DTD1: variants seen among roughly 807,000 people sequenced by gnomAD.
The protein encoded by DTD1 is D-tyrosyl-tRNA deacylase 1 homolog.
A neutral mutation model predicts 25.6 loss-of-function variants in DTD1; 13 were observed. The observed-to-expected ratio is 0.51, with a 90% CI of 0.33 to 0.81. The LOEUF is 0.81. DTD1 is among the 30% of genes least tolerant of loss of function. The pLI is 0.02. For missense variants in DTD1, 193 were observed against 266.4 expected, an observed-to-expected ratio of 0.72 and a Z score of 1.92; for synonymous variants, 110 against 103.6, an observed-to-expected ratio of 1.06 and a Z score of -0.37.
At chr20:18,614,897 G>A (rs776206634) in intron 3 of DTD1, among the ~76,000 whole-genome samples, 1 of 151,316 alleles carries the variant, frequency 6.6e-6, no homozygotes, top group South Asian at 2.1e-4. Flanking sequence ...CTTCTAAAAC[G>A]GCCGCAGTGT....
At chr20:18,739,319 A>G (rs959469326) in intron 4 of DTD1, among the ~76,000 whole-genome samples, 4 of 152,234 alleles carry the variant, frequency 2.6e-5, no homozygotes, top group African/African-American at 9.6e-5. Flanking sequence ...AGTGGATTTA[A>G]TCATGAATTG....
intron 4 of DTD1, among the ~76,000 whole-genome samples, chr20:18,686,045 G>T (rs142119757): frequency 6.6e-6 from 1 of 152,090 alleles, no homozygotes; most frequent in Non-Finnish European, 1.5e-5. Flanking sequence ...CACTTTTGTC[G>T]CCCTGGTTCT....
At chr20:18,615,105 A>G (rs1170702846) in intron 3 of DTD1, among the ~76,000 whole-genome samples, 2 of 152,030 alleles carry the variant, frequency 1.3e-5, no homozygotes, top group Admixed American at 1.3e-4. Context: ...CCTTCAGACC[A>G]GGCCTGGAAA....
Position 18,596,025 on chromosome 20 carries a change from C to G in DTD1, c.154C>G (p.Leu52Val), listed in dbSNP as rs939923604. ...LEHMVRKILN[L>V]RVFEDESGKH... ...CCTTAGGGTCCGAAAGATTCTAAAC[C>G]TGCGTGTATTTGAGGATGAGAGTGG... The change falls in exon 3 of 6, where the codon CTG becomes GTG. Residue 52 changes from leucine (L) to valine (V), a missense_variant. Coordinates refer to ENST00000377452, the MANE Select transcript of DTD1 (RefSeq NM_080820.6). 6.2e-7 allele frequency: 1 copy of G among 1,613,974 alleles called. No homozygotes were observed. The highest frequency in any genetic ancestry group is 8.5e-7 in the Non-Finnish European group (1 of 1,180,024).
intron 2 of DTD1, 63 bp downstream of exon 2, chr20:18,593,884 T>C: frequency 1.5e-6 from 2 of 1,334,724 alleles, no homozygotes; most frequent in East Asian, 4.7e-5. Flanking sequence ...TGCTGGGAAC[T>C]TCCATAGTAC....
At chr20:18,595,963 T>G (rs762035347) in intron 2 of DTD1, 43 bp from the exon 3 acceptor site, 1 of 1,565,004 alleles carries the variant, frequency 6.4e-7, no homozygotes, top group South Asian at 1.1e-5. Context: ...GTTGGGGGGC[T>G]TGTGATCTCT....
chr20:18,682,350 T>G (rs1235869562), intron 4 of DTD1, among the ~76,000 whole-genome samples: 2 of 152,254 alleles, frequency 1.3e-5, no homozygotes, highest in African/African-American at 4.8e-5. Context: ...TGCTGTAAAC[T>G]GTGTTCCTTG....
chr20:18,628,557 C>T (rs2060769227), intron 4 of DTD1, among the ~76,000 whole-genome samples: 2 of 152,212 alleles, frequency 1.3e-5, no homozygotes, highest in African/African-American at 4.8e-5. Flanking sequence ...GAGCAATGGC[C>T]CTGGATTGGC....
Position 18,750,306 on chromosome 20 carries a change from G to A in DTD1, c.*19+6035G>A, listed in dbSNP as rs193197053. ...AAATATTCAGATATCTATGAGAGCT[G>A]GATTAAATGGTGACAGACAGAAGGT... On this transcript the variant is annotated intron_variant, in intron 5 of 5. Coordinates refer to ENST00000377452, the MANE Select transcript of DTD1 (RefSeq NM_080820.6). Among the ~76,000 whole-genome samples the A allele has an allele frequency of 1.3e-3, 195 of 152,236 alleles. 1 individual carries two copies. Among genetic ancestry groups the A allele is most frequent in the African/African-American group, 4.6e-3 (191 of 41,536 alleles).
intron 4 of DTD1, among the ~76,000 whole-genome samples, chr20:18,654,054 C>T (rs750245601): frequency 1.3e-5 from 2 of 152,282 alleles, no homozygotes; most frequent in Middle Eastern, 3.4e-3. Flanking sequence ...GATTTCTTTC[C>T]AATTTATAAT....
At chr20:18,671,112 T>A (rs1382637822) in intron 4 of DTD1, among the ~76,000 whole-genome samples, 3 of 152,244 alleles carry the variant, frequency 2.0e-5, no homozygotes, top group Non-Finnish European at 1.5e-5. Context: ...TGTTGCTTAG[T>A]AGAATCAAGG....
intron 4 of DTD1, among the ~76,000 whole-genome samples, chr20:18,736,599 G>A (rs1344258726): frequency 6.6e-6 from 1 of 152,230 alleles, no homozygotes; most frequent in African/African-American, 2.4e-5. Flanking sequence ...GCACCTTGCA[G>A]CCACCCCCTC....
chr20:18,708,245 A>T (rs1332501642), intron 4 of DTD1, among the ~76,000 whole-genome samples: 446 of 6,572 alleles, frequency 0.068, 27 homozygotes, highest in East Asian at 0.28. Context: ...TATATATATA[A>T]TATATATTAT....
chr20:18,726,551 G>A (rs908590687), intron 4 of DTD1, among the ~76,000 whole-genome samples: 2 of 152,140 alleles, frequency 1.3e-5, no homozygotes, highest in Non-Finnish European at 2.9e-5. Context: ...TAGGTGCCTT[G>A]TGCATGGATG....
At chr20:18,711,583 A>G (rs1215537051) in intron 4 of DTD1, among the ~76,000 whole-genome samples, 3 of 152,148 alleles carry the variant, frequency 2.0e-5, no homozygotes, top group Non-Finnish European at 4.4e-5. Context: ...CATCTGGGAC[A>G]GAAGCAGAAG....
Position 18,749,554 on chromosome 20 carries a change from GCCT to G in DTD1, c.*19+5287_*19+5289del, listed in dbSNP as rs2061314013. Among the ~76,000 whole-genome samples the G allele has an allele frequency of 1.3e-5, 2 of 152,286 alleles. No individual in the cohort carries two copies. The highest frequency in any genetic ancestry group is 4.1e-4 in the South Asian group (2 of 4,824). ...CAGGTCTCAGCTGTGACCTCCACTGGCCTCCTGGATGAGACTTGCAGGGGTCTG... is the reference window on the plus strand; with the variant it reads ...CAGGTCTCAGCTGTGACCTCCACTGGCCTGGATGAGACTTGCAGGGGTCTG... On this transcript the variant is annotated intron_variant, in intron 5 of 5. Transcript: ENST00000377452. The surrounding 1 kb of genome is among the most constrained non-coding windows in gnomAD (Gnocchi z 4.2).
At chr20:18,685,136 C>G (rs1470819837) in intron 4 of DTD1, among the ~76,000 whole-genome samples, 1 of 152,134 alleles carries the variant, frequency 6.6e-6, no homozygotes, top group African/African-American at 2.4e-5. Context: ...CTGCTAGCCT[C>G]AAGCCATCCT....
rs557398926 is a variant in DTD1 at position 18,741,654 on chromosome 20, C to T, written c.478-2446C>T. ...ATTATTTTGTGTTAGTGGAATCCTA[C>T]TGTATATAGCCTTCTGAAGCTAAAT... On this transcript the variant is annotated intron_variant, in intron 4 of 5. Coordinates refer to ENST00000377452, the MANE Select transcript of DTD1 (RefSeq NM_080820.6). Among the ~76,000 whole-genome samples the T allele has an allele frequency of 1.3e-4, 20 of 152,262 alleles. No homozygotes were observed. The South Asian group carries it at 2.5e-3, about 19-fold the overall frequency.
chr20:18,653,200 G>C (rs554945645), intron 4 of DTD1, among the ~76,000 whole-genome samples: 5 of 152,322 alleles, frequency 3.3e-5, no homozygotes, highest in Admixed American at 2.6e-4. Flanking sequence ...CCAGGAGTTT[G>C]AGAAGAGCCT....
Sources: allele counts gnomAD v4.1 joint callset (sites outside exome capture counted in the v4.1 genomes callset), GRCh38; gene constraint gnomAD v4.1.1; non-coding constraint Gnocchi (gnomAD v3.1); transcripts MANE v1.5; gene names NCBI Gene and HGNC (gene_info 2026-07-23, HGNC 2026-07-21).